The following MEGF11 variants were observed in gnomAD, a reference collection of about 807,000 sequenced individuals.
The protein encoded by MEGF11 is multiple epidermal growth factor-like domains protein 11.
A neutral mutation model predicts 146.6 loss-of-function variants in MEGF11; 126 were observed. The ratio of observed to expected loss-of-function variants is 0.86; its 90% CI spans 0.74 to 1.00. The LOEUF is 1.00. Ranked by LOEUF, MEGF11 falls within the 50% of genes least tolerant of loss-of-function variation. The pLI, the probability that MEGF11 is intolerant of heterozygous loss-of-function variation, is 0.00. For missense variants in MEGF11, 1,509 were observed against 1,521.2 expected (o/e 0.99, Z 0.13); for synonymous variants, 532 against 583.4 (o/e 0.91, Z 1.27).
At chr15:66,196,273 T>C (rs200153179) in intron 1 of MEGF11, among the ~76,000 whole-genome samples, 1 of 151,840 alleles carries the variant, frequency 6.6e-6, no homozygotes, top group Non-Finnish European at 1.5e-5. Context: ...GGAGTTTGAG[T>C]CCAGCCTGGC....
chr15:66,208,769 C>A (rs938865317), intron 1 of MEGF11, among the ~76,000 whole-genome samples: 1 of 152,158 alleles, frequency 6.6e-6, no homozygotes, highest in African/African-American at 2.4e-5. Flanking sequence ...GTAATCCCAG[C>A]TACTCAGGAG....
rs923738933 is a variant in MEGF11 at position 66,246,182 on chromosome 15, G to A, written c.-9+7423C>T. Among the ~76,000 whole-genome samples the A allele has an allele frequency of 5.3e-5, 8 of 152,136 alleles. No homozygotes were observed. In the East Asian group the frequency reaches 5.8e-4, roughly 11 times the overall value. ...TGAGGCACAAGAATTGCTTGAACCC[G>A]AGAGGGAGAGTTTGCAATGAGCAGA... On this transcript the variant is annotated intron_variant, in intron 1 of 25. Transcript: ENST00000395614.
At chr15:66,245,737 G>A (rs569329607) in intron 1 of MEGF11, among the ~76,000 whole-genome samples, 46 of 152,206 alleles carry the variant, frequency 3.0e-4, no homozygotes, top group African/African-American at 1.1e-3. Context: ...CATGGATTCC[G>A]GACTCATTGC....
At chr15:66,129,439 AG>A (rs1428113457) in intron 1 of MEGF11, among the ~76,000 whole-genome samples, 1 of 152,274 alleles carries the variant, frequency 6.6e-6, no homozygotes, top group Non-Finnish European at 1.5e-5. Flanking sequence ...ATGTGTACAT[AG>A]ATGCTATCGT....
intron 4 of MEGF11, among the ~76,000 whole-genome samples, chr15:66,096,089 G>A (rs1344871299): frequency 6.6e-6 from 1 of 152,136 alleles, no homozygotes; most frequent in African/African-American, 2.4e-5. Flanking sequence ...CTCCCCATGG[G>A]ATGCCAGCCC....
chr15:66,142,850 A>G (rs2089219737), intron 1 of MEGF11, among the ~76,000 whole-genome samples: 1 of 152,200 alleles, frequency 6.6e-6, no homozygotes, highest in Non-Finnish European at 1.5e-5. Flanking sequence ...AGAAGAGGAC[A>G]TGGGCCTGAA....
intron 5 of MEGF11, among the ~76,000 whole-genome samples, chr15:66,018,942 T>C (rs759766832): frequency 1.3e-5 from 2 of 151,904 alleles, no homozygotes; most frequent in Non-Finnish European, 2.9e-5. Flanking sequence ...AGAAGAGAGA[T>C]TTGGCAGAGA....
chr15:66,059,372 A>G (rs906736371), intron 5 of MEGF11, among the ~76,000 whole-genome samples: 1 of 152,198 alleles, frequency 6.6e-6, no homozygotes, highest in Non-Finnish European at 1.5e-5. Context: ...CAGAAGAGGA[A>G]AGGCGCCCTG....
intron 5 of MEGF11, among the ~76,000 whole-genome samples, chr15:65,984,602 C>T (rs915230822): frequency 6.7e-6 from 1 of 149,614 alleles, no homozygotes; most frequent in Non-Finnish European, 1.5e-5. Flanking sequence ...CACCTCCTAC[C>T]TCATCCTCTC....
At chr15:66,094,613 C>CTTTTTTA in intron 4 of MEGF11, 119 bp from the exon 5 acceptor site, 2 of 792,208 alleles carry the variant, frequency 2.5e-6, no homozygotes, top group Admixed American at 2.4e-5. Flanking sequence ...GCTTAGAACG[C>CTTTTTTA]ATGACTGGCT....
chr15:65,952,233 C>T (rs925692146), intron 10 of MEGF11, among the ~76,000 whole-genome samples: 48 of 152,134 alleles, frequency 3.2e-4, no homozygotes, highest in Non-Finnish European at 2.9e-4. Flanking sequence ...ATGTGTGCTA[C>T]AGATTGTGGC....
At chr15:65,960,190 G>GCTAT (rs576519456) in intron 9 of MEGF11, among the ~76,000 whole-genome samples, 243 of 152,310 alleles carry the variant, frequency 1.6e-3, no homozygotes, top group African/African-American at 5.7e-3. Flanking sequence ...TGGCTTTTGT[G>GCTAT]CTATCTCTGG....
chr15:66,079,489 A>G (rs1052859737), intron 5 of MEGF11, among the ~76,000 whole-genome samples: 1 of 149,946 alleles, frequency 6.7e-6, no homozygotes, highest in African/African-American at 2.5e-5. Flanking sequence ...TTGCTATAGC[A>G]TTTCCACTCA....
intron 5 of MEGF11, among the ~76,000 whole-genome samples, chr15:66,030,891 C>G (rs1180498198): frequency 6.6e-6 from 1 of 152,206 alleles, no homozygotes; most frequent in Non-Finnish European, 1.5e-5. Flanking sequence ...CAGGCTTGGT[C>G]TGAGGATTCA....
chr15:66,001,026 C>A (rs893755374), intron 5 of MEGF11, among the ~76,000 whole-genome samples: 11 of 152,080 alleles, frequency 7.2e-5, no homozygotes, highest in African/African-American at 2.7e-4. Context: ...AACACTTGGG[C>A]AGGATACTCT....
In MEGF11 at chr15:65,898,734, C is replaced by T. The variant is rs1459946306; in HGVS notation, c.3256G>A (p.Glu1086Lys). 2 of 1,613,730 alleles carry T rather than the reference C, an allele frequency of 1.2e-6. No individual in the cohort carries two copies. Among genetic ancestry groups the T allele is most frequent in the Non-Finnish European group, 1.7e-6 (2 of 1,179,742 alleles). ...ACTTATTTGAGACACCTACCAACTT[C>T]ATATATATTTTTATTAGATGTCGAC... ...SLSTSNKNIY[E>K]VEPTVSVVQE... Residue 1086 changes from glutamate (E) to lysine (K), a missense_variant, in exon 25 of 26, where the codon GAA becomes AAA. Transcript: ENST00000395614.
intron 1 of MEGF11, among the ~76,000 whole-genome samples, chr15:66,222,978 C>T (rs955786473): frequency 2.0e-5 from 3 of 152,124 alleles, no homozygotes; most frequent in African/African-American, 7.2e-5. Flanking sequence ...CCAGCAATTC[C>T]ACTCCTAGGC....
intron 1 of MEGF11, among the ~76,000 whole-genome samples, chr15:66,222,491 G>C (rs1281688101): frequency 1.3e-5 from 2 of 152,142 alleles, no homozygotes; most frequent in Non-Finnish European, 2.9e-5. Flanking sequence ...CTGACTCCTT[G>C]TGTTTGCCTC....
chr15:66,096,024 C>T (rs2140699778), intron 4 of MEGF11, among the ~76,000 whole-genome samples: 1 of 152,276 alleles, frequency 6.6e-6, no homozygotes, highest in Non-Finnish European at 1.5e-5. Context: ...CTGGACTTTC[C>T]AAACAAGCTC....
Sources: allele counts gnomAD v4.1 joint callset (sites outside exome capture counted in the v4.1 genomes callset), GRCh38; gene constraint gnomAD v4.1.1; transcripts MANE v1.5; gene names NCBI Gene and HGNC (gene_info 2026-07-23, HGNC 2026-07-21).